RP1: variants seen among roughly 807,000 people sequenced by gnomAD.
RP1 encodes the protein RP1 axonemal microtubule associated, also known as oxygen-regulated protein 1.
RP1 carries 16 observed loss-of-function variants against 14.8 expected under a neutral mutation model. The observed-to-expected ratio is 1.08, with a 90% CI of 0.73 to 1.65. The LOEUF (loss-of-function observed/expected upper bound fraction) is 1.65, where lower values mean the gene tolerates loss of function less well. Ranked by LOEUF, RP1 falls within the 40% of genes most tolerant of loss-of-function variation. The pLI, the probability that RP1 is intolerant of heterozygous loss-of-function variation, is 0.00. For synonymous variants in RP1, 876 were observed against 883.6 expected, an observed-to-expected ratio of 0.99 and a Z score of 0.15; for missense variants, 2,631 against 2,535.0, an observed-to-expected ratio of 1.04 and a Z score of -0.81.
chr8:54,809,075 CTATGTTCCTTAACAATT>C (rs1563382680), intron 24 of RP1, among the ~76,000 whole-genome samples: 1 of 152,196 alleles, frequency 6.6e-6, no homozygotes, highest in Non-Finnish European at 1.5e-5. Context: ...GCACTTCAAC[CTATGTTCCTTAACAATT>C]TAGCTATTTT....
At chr8:54,651,127 T>A (rs969098579) in intron 4 of RP1, among the ~76,000 whole-genome samples, 1 of 152,118 alleles carries the variant, frequency 6.6e-6, no homozygotes, top group African/African-American at 2.4e-5. Context: ...TAGAACCAAT[T>A]TCCATTCCTG....
chr8:54,629,777 T>G lies in RP1; in HGVS notation c.5895T>G (p.Asn1965Lys), dbSNP rs756469549. 6.2e-7 allele frequency: 1 copy of G among 1,609,236 alleles called. No homozygotes were observed. The highest frequency in any genetic ancestry group is 8.5e-7 in the Non-Finnish European group (1 of 1,177,646). The change falls in exon 4 of 4, where the codon AAT becomes AAG. Residue 1965 changes from asparagine (N) to lysine (K), a missense_variant. Coordinates refer to ENST00000220676, the MANE Select transcript of RP1 (RefSeq NM_006269.2). ...CATATTTACTTCAGACAGACAAAAA[T>G]GTGTTCAGGGAAGAGAACAATAAAG... ...IHPYLLQTDK[N>K]VFREENNKAS...
At chr8:54,591,316 T>C (rs527835188) in intron 1 of RP1, among the ~76,000 whole-genome samples, 1 of 152,346 alleles carries the variant, frequency 6.6e-6, no homozygotes, top group East Asian at 1.9e-4. Flanking sequence ...ATCTTGTTAC[T>C]GTTTTTCAGC....
chr8:54,840,202 A>G (rs147302839), intron 25 of RP1, among the ~76,000 whole-genome samples: 145 of 152,266 alleles, frequency 9.5e-4, no homozygotes, highest in African/African-American at 3.3e-3. Context: ...AAGAACTCTG[A>G]TGGTGTGCTA....
chr8:54,671,742 GTC>G (rs1447007736), intron 7 of RP1, among the ~76,000 whole-genome samples: 1 of 151,910 alleles, frequency 6.6e-6, no homozygotes, highest in African/African-American at 2.4e-5. Flanking sequence ...CATTTAGTTG[GTC>G]TCTCTGTATT....
At chr8:54,584,009 T>G (rs368003121) in intron 1 of RP1, among the ~76,000 whole-genome samples, 1 of 151,930 alleles carries the variant, frequency 6.6e-6, no homozygotes, top group Non-Finnish European at 1.5e-5. Context: ...CTTCAGTTCT[T>G]CTCTGATCTT....
intron 6 of RP1, among the ~76,000 whole-genome samples, chr8:54,658,251 T>C (rs1806797453): frequency 6.6e-6 from 1 of 152,226 alleles, no homozygotes; most frequent in Admixed American, 6.5e-5. Context: ...AGAATTTTTA[T>C]TCTTTTTAAG....
At chr8:54,690,857 A>G (rs1353210556) in intron 12 of RP1, among the ~76,000 whole-genome samples, 1 of 152,080 alleles carries the variant, frequency 6.6e-6, no homozygotes, top group Non-Finnish European at 1.5e-5. Flanking sequence ...GTTTTACTCT[A>G]GAAGTTGTAA....
At chr8:54,597,301 G>A (rs1207709740) in intron 1 of RP1, among the ~76,000 whole-genome samples, 3 of 152,062 alleles carry the variant, frequency 2.0e-5, no homozygotes, top group Non-Finnish European at 1.5e-5. Flanking sequence ...ACTTCCTATA[G>A]TTGTTATGAG....
At chr8:54,789,934 C>T (rs906511288) in intron 24 of RP1, among the ~76,000 whole-genome samples, 4 of 152,180 alleles carry the variant, frequency 2.6e-5, no homozygotes, top group Admixed American at 2.6e-4. Context: ...CAGAGCTCAG[C>T]CTGCATGAAT....
At chr8:54,600,147 G>A (rs1364218390) in intron 1 of RP1, among the ~76,000 whole-genome samples, 3 of 152,084 alleles carry the variant, frequency 2.0e-5, no homozygotes, top group Non-Finnish European at 1.5e-5. Context: ...GAATGATGAG[G>A]GTGTGTCTTT....
chr8:54,723,726 A>C (rs1443332406), intron 16 of RP1, among the ~76,000 whole-genome samples: 1 of 152,218 alleles, frequency 6.6e-6, no homozygotes, highest in Non-Finnish European at 1.5e-5. Flanking sequence ...TCCGTAGAGT[A>C]AGACCACACT....
At chr8:54,869,251 T>A (rs1424926212) in intron 28 of RP1, among the ~76,000 whole-genome samples, 1 of 152,234 alleles carries the variant, frequency 6.6e-6, no homozygotes, top group Non-Finnish European at 1.5e-5. Context: ...AAGCCACATA[T>A]GTCTACTGAA....
At chr8:54,764,974 C>T (rs1359151866) in intron 22 of RP1, among the ~76,000 whole-genome samples, 1 of 151,812 alleles carries the variant, frequency 6.6e-6, no homozygotes, top group African/African-American at 2.4e-5. Flanking sequence ...GTTTACTTGT[C>T]TCAGGATCTC....
intron 1 of RP1, among the ~76,000 whole-genome samples, chr8:54,564,391 G>A (rs1263304601): frequency 1.3e-5 from 2 of 152,186 alleles, no homozygotes; most frequent in Non-Finnish European, 2.9e-5. Flanking sequence ...AAGTGTGGGC[G>A]AGTGACCAAG....
chr8:54,580,563 C>A (rs1400457764), intron 1 of RP1, among the ~76,000 whole-genome samples: 1 of 151,918 alleles, frequency 6.6e-6, no homozygotes, highest in Non-Finnish European at 1.5e-5. Context: ...TCTCAGCCTC[C>A]CAAAGTGCTG....
intron 17 of RP1, among the ~76,000 whole-genome samples, chr8:54,733,926 C>G (rs1170745203): frequency 6.6e-6 from 1 of 152,142 alleles, no homozygotes; most frequent in Non-Finnish European, 1.5e-5. Flanking sequence ...CTGCTGGTTG[C>G]TAGAGGATGC....
chr8:54,696,816 G>A lies in RP1; in HGVS notation c.1718-2651G>A. 9 of 735,466 alleles carry A rather than the reference G, an allele frequency of 1.2e-5. No homozygotes were observed. The South Asian group carries it at 1.3e-4, about 11-fold the overall frequency. 45.6% of individuals were successfully genotyped at this position (735,466 alleles called of 1,614,324 possible). On this transcript the variant is annotated intron_variant, in intron 12 of 22. Transcript: ENST00000636932. ...CGTATAGTGGAACGTTATGTGACCT[G>A]CGGATTTCCAAATCTGAAGTCTGTC...
chr8:54,701,516 G>T (rs1808018437), exon 14 of RP1: 2 of 1,534,224 alleles, frequency 1.3e-6, no homozygotes, highest in Non-Finnish European at 1.7e-6. Flanking sequence ...TGAGCTGCGG[G>T]TGCTTTATCA....
Sources: gnomAD v4.1 joint callset for allele counts (sites outside exome capture counted in the v4.1 genomes callset) on GRCh38, gnomAD v4.1.1 for gene constraint, MANE v1.5 for transcripts, NCBI Gene and HGNC (gene_info 2026-07-23, HGNC 2026-07-21) for gene names.